KCNMA1: variants seen among roughly 807,000 people sequenced by gnomAD.
KCNMA1 encodes the protein Calcium-activated potassium channel subunit alpha-1.
KCNMA1 carries 29 observed loss-of-function variants against 140.0 expected under a neutral mutation model. The observed-to-expected ratio is 0.21, with a 90% CI of 0.15 to 0.28. The LOEUF (loss-of-function observed/expected upper bound fraction) is 0.28, where lower values mean the gene tolerates loss of function less well. Among genes scored for constraint, KCNMA1 ranks in the 10% least tolerant of loss-of-function variants. The pLI is 1.00. For synonymous variants in KCNMA1, 612 were observed against 611.9 expected, an observed-to-expected ratio of 1.00 and a Z score of 0.00; for missense variants, 880 against 1,602.2, an observed-to-expected ratio of 0.55 and a Z score of 7.70.
intron 3 of KCNMA1, among the ~76,000 whole-genome samples, chr10:77,193,201 T>C (rs903180871): frequency 6.6e-6 from 1 of 152,204 alleles, no homozygotes; most frequent in Non-Finnish European, 1.5e-5. Context: ...GTTACACTTT[T>C]GGAATGATGT....
At chr10:77,411,800 G>T (rs553575677) in intron 1 of KCNMA1, among the ~76,000 whole-genome samples, 18 of 152,286 alleles carry the variant, frequency 1.2e-4, no homozygotes, top group African/African-American at 3.6e-4. Flanking sequence ...CCAAGAACCT[G>T]CCCGGAACCA....
chr10:77,547,919 T>C (rs2061824059), intron 1 of KCNMA1, among the ~76,000 whole-genome samples: 1 of 152,152 alleles, frequency 6.6e-6, no homozygotes, highest in Non-Finnish European at 1.5e-5. Flanking sequence ...CTGTGGCTGA[T>C]TTCATGCTAC....
intron 21 of KCNMA1, chr10:76,951,980 CCTG>C (rs1382369874): frequency 6.7e-7 from 1 of 1,497,816 alleles, no homozygotes; most frequent in East Asian, 2.5e-5. Flanking sequence ...TAGTAGGCCT[CCTG>C]GAGATGTTTT....
Position 77,108,422 on chromosome 10 carries a change from A to G in KCNMA1, c.1223+59T>C. Reference sequence around the variant, plus strand: ...AAACAAGAGCCAAAAAAAAAAAAAAATGGCATGCAGAGAGGATTCTACCGC... The same window carrying G: ...AAACAAGAGCCAAAAAAAAAAAAAAGTGGCATGCAGAGAGGATTCTACCGC... On this transcript the variant is annotated intron_variant, in intron 9 of 27. Transcript: ENST00000286628. This position sits in a 1 kb window ranked among gnomAD's most constrained non-coding sequence, Gnocchi z 4.6. 1 of 1,256,176 alleles carries G rather than the reference A, an allele frequency of 8.0e-7. No individual in the cohort carries two copies. Among genetic ancestry groups the G allele is most frequent in the Non-Finnish European group, 1.1e-6 (1 of 887,896 alleles). 77.8% of individuals were successfully genotyped at this position (1,256,176 alleles called of 1,614,324 possible).
intron 1 of KCNMA1, among the ~76,000 whole-genome samples, chr10:77,482,984 T>C (rs1178172611): frequency 8.8e-6 from 1 of 113,182 alleles, no homozygotes; most frequent in Non-Finnish European, 1.7e-5. Flanking sequence ...TCTCTCTCTC[T>C]CTCACATACA....
intron 2 of KCNMA1, among the ~76,000 whole-genome samples, chr10:77,367,886 A>G (rs1462331197): frequency 6.6e-6 from 1 of 152,328 alleles, no homozygotes; most frequent in East Asian, 1.9e-4. Flanking sequence ...TCAATAGTTC[A>G]TTCTTTTTTG....
chr10:77,189,253 G>A (rs2098917129), intron 3 of KCNMA1, among the ~76,000 whole-genome samples: 2 of 152,070 alleles, frequency 1.3e-5, no homozygotes, highest in African/African-American at 2.4e-5. Flanking sequence ...GTTGCTGCTC[G>A]AGAAGCTTCC....
rs982768504 is a variant in KCNMA1, at chr10:77,348,733, T to C, written c.540+55129A>G. 3.5e-4 allele frequency among the ~76,000 whole-genome samples: 54 copies of C among 152,220 alleles called. 1 individual carries two copies. Among genetic ancestry groups the C allele is most frequent in the Admixed American group, 3.4e-3 (52 of 15,292 alleles). On this transcript the variant is annotated intron_variant, in intron 2 of 27. Coordinates refer to ENST00000286628, the MANE Select transcript of KCNMA1 (RefSeq NM_001161352.2). The stretch of plus-strand genomic sequence containing the variant: ...AATTTTAAATATTCCAGTAGGGACC[T>C]GACAGAACAGGGCCATCTTCATTAG...
chr10:77,369,231 C>A (rs2094535872), intron 2 of KCNMA1, among the ~76,000 whole-genome samples: 1 of 152,104 alleles, frequency 6.6e-6, no homozygotes, highest in African/African-American at 2.4e-5. Context: ...TAACAAGAAT[C>A]CCAGGTAATT....
chr10:77,130,635 GC>G (rs1490438808), intron 5 of KCNMA1, among the ~76,000 whole-genome samples: 1 of 152,088 alleles, frequency 6.6e-6, no homozygotes. Context: ...GTTTATGTCT[GC>G]CCCCTCTCAA....
chr10:77,270,207 G>A (rs2064613972), intron 2 of KCNMA1, among the ~76,000 whole-genome samples: 1 of 152,204 alleles, frequency 6.6e-6, no homozygotes, highest in Non-Finnish European at 1.5e-5. Flanking sequence ...AGTCACATAT[G>A]GTTGAGAGAC....
At chr10:77,026,869 C>T (rs1011444410) in intron 16 of KCNMA1, among the ~76,000 whole-genome samples, 2 of 152,152 alleles carry the variant, frequency 1.3e-5, no homozygotes, top group African/African-American at 4.8e-5. Context: ...AAGGAAAACT[C>T]CTTAAATGAT....
At chr10:77,635,628 G>A (rs1352000170) in intron 1 of KCNMA1, 1 of 152,214 alleles carries the variant, frequency 6.6e-6, no homozygotes, top group Non-Finnish European at 1.5e-5. Flanking sequence ...TCAGGGATCT[G>A]GTGTATAGGG....
At chr10:77,297,866 G>C (rs886075953) in intron 2 of KCNMA1, among the ~76,000 whole-genome samples, 16 of 152,202 alleles carry the variant, frequency 1.1e-4, no homozygotes, top group African/African-American at 3.9e-4. Flanking sequence ...TGGATTCCAA[G>C]ATGGAGACCC....
chr10:77,002,742 T>C (rs1276985624), intron 18 of KCNMA1, among the ~76,000 whole-genome samples: 1 of 152,196 alleles, frequency 6.6e-6, no homozygotes. Flanking sequence ...GAGAAGGTTT[T>C]TGTACCTCAT....
At chr10:77,478,320 A>C (rs1189418241) in intron 1 of KCNMA1, among the ~76,000 whole-genome samples, 2 of 152,330 alleles carry the variant, frequency 1.3e-5, no homozygotes, top group East Asian at 3.9e-4. Flanking sequence ...ACTTATTAAA[A>C]AGAAGCACTG....
chr10:77,467,042 G>A (rs1185770867), intron 1 of KCNMA1, among the ~76,000 whole-genome samples: 7 of 152,300 alleles, frequency 4.6e-5, no homozygotes, highest in Admixed American at 1.3e-4. Context: ...CTAGAGGAAC[G>A]CAGAGCCTAG....
At chr10:77,229,806 C>T (rs560927515) in intron 3 of KCNMA1, among the ~76,000 whole-genome samples, 8 of 152,066 alleles carry the variant, frequency 5.3e-5, no homozygotes, top group Admixed American at 2.6e-4. Flanking sequence ...AATAAGTTGG[C>T]GAGGATGTGG....
chr10:77,252,191 T>G (rs957982488), intron 2 of KCNMA1, among the ~76,000 whole-genome samples: 2 of 152,220 alleles, frequency 1.3e-5, no homozygotes, highest in Non-Finnish European at 2.9e-5. Context: ...TGTAGCAGAT[T>G]AGGCTGACAC....
Sources: gnomAD v4.1 joint callset for allele counts (sites outside exome capture counted in the v4.1 genomes callset) on GRCh38, gnomAD v4.1.1 for gene constraint, Gnocchi (gnomAD v3.1) non-coding constraint, MANE v1.5 for transcripts, NCBI Gene and HGNC (gene_info 2026-07-23, HGNC 2026-07-21) for gene names.